PLCXD3: variants seen among roughly 807,000 people sequenced by gnomAD.
PLCXD3 encodes PI-PLC X domain-containing protein 3.
In PLCXD3, 19 loss-of-function variants were observed where a neutral mutation model predicts 25.5. That is an observed-to-expected ratio of 0.75 (90% CI 0.52 to 1.09). The LOEUF is 1.09. Ranked by LOEUF, PLCXD3 falls within the 50% of genes least tolerant of loss-of-function variation. PLCXD3 has a pLI of 0.00. For missense variants in PLCXD3, 411 were observed against 388.1 expected (o/e 1.06, Z -0.50); for synonymous variants, 174 against 137.6 (o/e 1.26, Z -1.85).
At chr5:41,322,306 G>T (rs1743496506) in intron 2 of PLCXD3, among the ~76,000 whole-genome samples, 1 of 152,160 alleles carries the variant, frequency 6.6e-6, no homozygotes, top group African/African-American at 2.4e-5. Context: ...CATACAAATG[G>T]CAAACAGACA....
chr5:41,454,077 A>G (rs1470090488), intron 1 of PLCXD3, among the ~76,000 whole-genome samples: 1 of 151,994 alleles, frequency 6.6e-6, no homozygotes, highest in East Asian at 1.9e-4. Flanking sequence ...CTCCTTTGAA[A>G]GTTAGAAATA....
chr5:41,493,908 C>A (rs990995533), intron 1 of PLCXD3, among the ~76,000 whole-genome samples: 1 of 152,208 alleles, frequency 6.6e-6, no homozygotes, highest in Non-Finnish European at 1.5e-5. Context: ...CAATGCCTCG[C>A]CCTGCTTCGG....
intron 2 of PLCXD3, 37 bp downstream of exon 2, chr5:41,381,789 A>G (rs1404623455): frequency 6.8e-7 from 1 of 1,464,776 alleles, no homozygotes; most frequent in Non-Finnish European, 9.1e-7. Flanking sequence ...AAGTTAAATT[A>G]TTTGAGGTTT....
chr5:41,354,499 T>G (rs1744562981), intron 2 of PLCXD3, among the ~76,000 whole-genome samples: 1 of 152,174 alleles, frequency 6.6e-6, no homozygotes, highest in South Asian at 2.1e-4. Context: ...AGATTCTACC[T>G]CACTAACATA....
At chr5:41,486,174 T>C (rs960457756) in intron 1 of PLCXD3, among the ~76,000 whole-genome samples, 1 of 152,028 alleles carries the variant, frequency 6.6e-6, no homozygotes, top group South Asian at 2.1e-4. Context: ...CTTGGGTGAG[T>C]AGATATCATA....
At chr5:41,333,958 A>G (rs1458891955) in intron 2 of PLCXD3, among the ~76,000 whole-genome samples, 4 of 152,124 alleles carry the variant, frequency 2.6e-5, no homozygotes, top group African/African-American at 4.8e-5. Context: ...TTCAAACCCC[A>G]TTTATAGCTT....
intron 2 of PLCXD3, among the ~76,000 whole-genome samples, chr5:41,380,468 AGATCAT>A (rs1392141826): frequency 6.6e-6 from 1 of 152,126 alleles, no homozygotes; most frequent in Non-Finnish European, 1.5e-5. Context: ...CATAAAACAC[AGATCAT>A]GTCAAGTCAT....
rs1223101210 is a variant in PLCXD3 at position 41,313,611 on chromosome 5, G to A, written c.*6C>T. The A allele has an allele frequency of 5.6e-6, 9 of 1,613,666 alleles. No homozygotes were observed. The Admixed American group carries it at 1.3e-4, about 24-fold the overall frequency. ...ATCTTATTCATGGAAACTCCAAGTA[G>A]TGCTATCAAGTGTTGGCTTCTCCTT... On this transcript the variant is annotated 3_prime_UTR_variant, in exon 3 of 3. Transcript: ENST00000377801.
At chr5:41,364,844 T>G (rs962504906) in intron 2 of PLCXD3, among the ~76,000 whole-genome samples, 1 of 152,230 alleles carries the variant, frequency 6.6e-6, no homozygotes, top group Non-Finnish European at 1.5e-5. Flanking sequence ...TGATGTGTAC[T>G]TTTGATAATC....
chr5:41,412,267 G>A (rs376037688), intron 1 of PLCXD3, among the ~76,000 whole-genome samples: 1 of 152,206 alleles, frequency 6.6e-6, no homozygotes, highest in East Asian at 1.9e-4. Context: ...GTATTACATA[G>A]TCTTCAAACA....
intron 1 of PLCXD3, among the ~76,000 whole-genome samples, chr5:41,412,699 T>C (rs1253109367): frequency 6.6e-6 from 1 of 152,246 alleles, no homozygotes. Flanking sequence ...ACATTATCTT[T>C]TATTGTGTCA....
At chr5:41,493,794 G>A (rs945013917) in intron 1 of PLCXD3, among the ~76,000 whole-genome samples, 1 of 152,194 alleles carries the variant, frequency 6.6e-6, no homozygotes, top group African/African-American at 2.4e-5. Context: ...TCGGAAAAGC[G>A]CAGTATTGGG....
chr5:41,392,324 C>T (rs1266691190), intron 1 of PLCXD3, among the ~76,000 whole-genome samples: 1 of 151,760 alleles, frequency 6.6e-6, no homozygotes, highest in East Asian at 1.9e-4. Context: ...TTAGGTGGCT[C>T]AGAACAGAGA....
intron 2 of PLCXD3, among the ~76,000 whole-genome samples, chr5:41,341,576 A>G (rs966847974): frequency 2.0e-5 from 3 of 152,172 alleles, no homozygotes; most frequent in African/African-American, 7.2e-5. Flanking sequence ...TGAACTTTTC[A>G]CTTGTAAATG....
Position 41,338,629 on chromosome 5 carries a change from A to G in PLCXD3, c.813-24859T>C, listed in dbSNP as rs184811026. ...GAATTCTCATAGCCTCCCTCCTACT[A>G]TTACAAGTTTCTTTCTGACCACCCA... On this transcript the variant is annotated intron_variant, in intron 2 of 2. Coordinates refer to ENST00000377801, the MANE Select transcript of PLCXD3 (RefSeq NM_001005473.3). 7.2e-5 allele frequency among the ~76,000 whole-genome samples: 11 copies of G among 152,148 alleles called. No individual in the cohort carries two copies. In the East Asian group the frequency reaches 1.9e-3, roughly 27 times the overall value.
chr5:41,403,401 G>GTTTTGTTTTTTTTT (rs1746251131), intron 1 of PLCXD3, among the ~76,000 whole-genome samples: 12 of 18,386 alleles, frequency 6.5e-4, no homozygotes, highest in Non-Finnish European at 8.4e-4. Context: ...CTTATTTGTT[G>GTTTTGTTTTTTTTT]TTTTTTTTTT....
At chr5:41,357,239 A>G (rs555990551) in intron 2 of PLCXD3, among the ~76,000 whole-genome samples, 87 of 152,330 alleles carry the variant, frequency 5.7e-4, no homozygotes, top group Non-Finnish European at 1.1e-3. Flanking sequence ...TATATACACT[A>G]TTCGTTAATT....
intron 2 of PLCXD3, among the ~76,000 whole-genome samples, chr5:41,353,272 T>C (rs1400456223): frequency 6.6e-6 from 1 of 151,868 alleles, no homozygotes; most frequent in Non-Finnish European, 1.5e-5. Context: ...TTCTGTATTT[T>C]TTTTTTTTTC....
At chr5:41,465,776 G>A (rs556700183) in intron 1 of PLCXD3, among the ~76,000 whole-genome samples, 2 of 151,958 alleles carry the variant, frequency 1.3e-5, no homozygotes, top group Non-Finnish European at 2.9e-5. Flanking sequence ...CTCTGCTCTT[G>A]ACTTTTGAAA....
Sources: allele counts gnomAD v4.1 joint callset (sites outside exome capture counted in the v4.1 genomes callset), GRCh38; gene constraint gnomAD v4.1.1; transcripts MANE v1.5; gene names NCBI Gene and HGNC (gene_info 2026-07-23, HGNC 2026-07-21).